The following KIAA1217 variants were observed in gnomAD, a reference collection of about 807,000 sequenced individuals.
KIAA1217 encodes sickle tail protein homolog.
A neutral mutation model predicts 163.9 loss-of-function variants in KIAA1217; 88 were observed. The ratio of observed to expected loss-of-function variants is 0.54; its 90% CI spans 0.45 to 0.64. The LOEUF is 0.64. Ranked by LOEUF, KIAA1217 falls within the 30% of genes least tolerant of loss-of-function variation. The pLI, the probability that KIAA1217 is intolerant of heterozygous loss-of-function variation, is 0.00. For synonymous variants in KIAA1217, 903 were observed against 923.1 expected, an observed-to-expected ratio of 0.98 and a Z score of 0.39; for missense variants, 2,372 against 2,475.0, an observed-to-expected ratio of 0.96 and a Z score of 0.88.
At position 23,700,368 on chromosome 10, in the gene KIAA1217, T is replaced by A. The variant is rs571948888; in HGVS notation, c.-321+5134T>A. Among the ~76,000 whole-genome samples, 4 of 152,096 alleles carry A rather than the reference T, an allele frequency of 2.6e-5. No homozygotes were observed. In the South Asian group the frequency reaches 8.3e-4, roughly 32 times the overall value. On this transcript the variant is annotated intron_variant, in intron 1 of 18. Coordinates refer to the KIAA1217 transcript ENST00000376462. ...GAATTATTGCAGTGACTTCCCAACC[T>A]CTCTCTGCTTCCATCCTTGTACCAC...
intron 2 of KIAA1217, among the ~76,000 whole-genome samples, chr10:24,314,230 T>G (rs1399063635): frequency 6.6e-6 from 1 of 152,192 alleles, no homozygotes; most frequent in Non-Finnish European, 1.5e-5. Context: ...GTAGCTCTGT[T>G]TACATATTAC....
At chr10:24,359,456 T>G (rs772261405) in intron 2 of KIAA1217, among the ~76,000 whole-genome samples, 24 of 152,216 alleles carry the variant, frequency 1.6e-4, no homozygotes, top group Non-Finnish European at 2.8e-4. Flanking sequence ...TTACTGTATG[T>G]CAGATATTGG....
At chr10:23,973,611 C>T (rs1845412947) in intron 1 of KIAA1217, among the ~76,000 whole-genome samples, 2 of 152,160 alleles carry the variant, frequency 1.3e-5, no homozygotes, top group Admixed American at 6.6e-5. Context: ...TTGCCCACAT[C>T]GAGGAAGATC....
intron 2 of KIAA1217, among the ~76,000 whole-genome samples, chr10:24,164,575 T>A (rs993387463): frequency 1.3e-5 from 2 of 152,150 alleles, no homozygotes; most frequent in African/African-American, 4.8e-5. Flanking sequence ...AATGAATAGG[T>A]CAGTCTGAAA....
At chr10:24,190,025 TAAA>T (rs78009696) in intron 2 of KIAA1217, among the ~76,000 whole-genome samples, 11 of 127,076 alleles carry the variant, frequency 8.7e-5, no homozygotes, top group Admixed American at 1.6e-4. Flanking sequence ...TGTCTCTATT[TAAA>T]AAAAAAAAAA....
intron 2 of KIAA1217, among the ~76,000 whole-genome samples, chr10:24,360,974 A>T (rs933496779): frequency 1.3e-5 from 2 of 151,966 alleles, no homozygotes; most frequent in Non-Finnish European, 2.9e-5. Context: ...GGGAGTTTTT[A>T]AAAAAATTTT....
intron 2 of KIAA1217, among the ~76,000 whole-genome samples, chr10:24,284,592 T>G (rs1048396782): frequency 1.3e-5 from 2 of 152,208 alleles, no homozygotes; most frequent in African/African-American, 4.8e-5. Context: ...TATTCCATGG[T>G]GTAAATGTAC....
intron 2 of KIAA1217, among the ~76,000 whole-genome samples, chr10:24,083,218 G>C (rs1380775511): frequency 6.6e-6 from 1 of 152,084 alleles, no homozygotes; most frequent in East Asian, 1.9e-4. Context: ...AGGAGCTAAG[G>C]GGCCTTCTCA....
intron 2 of KIAA1217, among the ~76,000 whole-genome samples, chr10:24,054,916 G>C (rs1849778437): frequency 6.6e-6 from 1 of 152,174 alleles, no homozygotes; most frequent in African/African-American, 2.4e-5. Context: ...TGTTGTATAT[G>C]TGATTTGTCC....
chr10:24,196,917 T>C (rs1177087393), intron 2 of KIAA1217, among the ~76,000 whole-genome samples: 1 of 152,150 alleles, frequency 6.6e-6, no homozygotes, highest in Non-Finnish European at 1.5e-5. Context: ...CTAGAGTTGG[T>C]TGCCTTTATT....
intron 1 of KIAA1217, among the ~76,000 whole-genome samples, chr10:23,986,505 A>G (rs1241241954): frequency 1.3e-5 from 2 of 152,252 alleles, no homozygotes; most frequent in Admixed American, 1.3e-4. Context: ...CTAATGCAAT[A>G]TAAATGCTAT....
At chr10:23,810,954 AATAT>A (rs1295600592) in intron 1 of KIAA1217, among the ~76,000 whole-genome samples, 1 of 117,786 alleles carries the variant, frequency 8.5e-6, no homozygotes, top group East Asian at 2.3e-4. Context: ...TATATTATAT[AATAT>A]ATATAGTATA....
intron 2 of KIAA1217, among the ~76,000 whole-genome samples, chr10:24,090,168 T>C (rs1263036787): frequency 2.9e-5 from 4 of 137,420 alleles, no homozygotes; most frequent in Non-Finnish European, 4.6e-5. Flanking sequence ...CTTTTTCTTT[T>C]TTTTTTTTTT....
intron 1 of KIAA1217, among the ~76,000 whole-genome samples, chr10:23,819,592 A>G (rs770908912): frequency 7.2e-5 from 11 of 152,190 alleles, no homozygotes; most frequent in Admixed American, 3.3e-4. Context: ...TAAATAATAT[A>G]GATCTTAAAA....
intron 1 of KIAA1217, among the ~76,000 whole-genome samples, chr10:23,775,782 G>A (rs970704815): frequency 6.6e-6 from 1 of 152,062 alleles, no homozygotes; most frequent in Non-Finnish European, 1.5e-5. Context: ...CATTAAAATG[G>A]GACAAATCTG....
At chr10:24,456,308 G>A (rs746948174) in intron 5 of KIAA1217, among the ~76,000 whole-genome samples, 5 of 152,122 alleles carry the variant, frequency 3.3e-5, no homozygotes, top group Admixed American at 1.3e-4. Flanking sequence ...TGTGTCATTC[G>A]TTTCATCCTT....
chr10:24,363,175 C>T (rs2050256100), intron 2 of KIAA1217, among the ~76,000 whole-genome samples: 1 of 152,190 alleles, frequency 6.6e-6, no homozygotes. Flanking sequence ...TATCGCTTGT[C>T]ATTCAGACCG....
chr10:24,534,089 G>C (rs574541178), intron 16 of KIAA1217, among the ~76,000 whole-genome samples: 2 of 152,218 alleles, frequency 1.3e-5, no homozygotes, highest in Non-Finnish European at 2.9e-5. Flanking sequence ...TTTTACCGAC[G>C]TACCAATGGC....
At chr10:24,488,033 T>G (rs1218796963) in intron 6 of KIAA1217, among the ~76,000 whole-genome samples, 1 of 152,142 alleles carries the variant, frequency 6.6e-6, no homozygotes, top group Non-Finnish European at 1.5e-5. Flanking sequence ...TCAGACAGTA[T>G]CGAAGGTGGA....
Sources: allele counts gnomAD v4.1 joint callset (sites outside exome capture counted in the v4.1 genomes callset), GRCh38; gene constraint gnomAD v4.1.1; transcripts MANE v1.5; gene names NCBI Gene and HGNC (gene_info 2026-07-23, HGNC 2026-07-21).